Variants in PRKCA observed in about 807,000 individuals in gnomAD.
The protein encoded by PRKCA is protein kinase C alpha type.
PRKCA carries 27 observed loss-of-function variants against 87.0 expected under a neutral mutation model. The ratio of observed to expected loss-of-function variants is 0.31; its 90% CI spans 0.23 to 0.43. The LOEUF is 0.43. Among genes scored for constraint, PRKCA ranks in the 20% least tolerant of loss-of-function variants. The probability of loss-of-function intolerance (pLI) is 1.00; values close to 1 mark genes in which losing one functional copy is unlikely to be tolerated. For synonymous variants in PRKCA, 329 were observed against 311.1 expected, an observed-to-expected ratio of 1.06 and a Z score of -0.61; for missense variants, 518 against 852.3, an observed-to-expected ratio of 0.61 and a Z score of 4.88.
At chr17:66,686,523 T>G (rs559247031) in intron 5 of PRKCA, among the ~76,000 whole-genome samples, 1 of 152,338 alleles carries the variant, frequency 6.6e-6, no homozygotes, top group East Asian at 1.9e-4. Flanking sequence ...AAACGAATAC[T>G]TGAGCCACAT....
chr17:66,774,612 C>T (rs1384908935), intron 14 of PRKCA: 4 of 986,146 alleles, frequency 4.1e-6, no homozygotes, highest in East Asian at 2.2e-4. Context: ...CAGAGTGAGA[C>T]GGTCTCAAAA....
intron 5 of PRKCA, among the ~76,000 whole-genome samples, chr17:66,680,236 G>T (rs1972452393): frequency 6.6e-6 from 1 of 152,120 alleles, no homozygotes; most frequent in South Asian, 2.1e-4. Context: ...TTGTTTGTTT[G>T]TTTTTTCTGC....
intron 2 of PRKCA, among the ~76,000 whole-genome samples, chr17:66,393,256 CTT>C (rs1405257583): frequency 1.3e-5 from 2 of 152,112 alleles, no homozygotes; most frequent in Non-Finnish European, 2.9e-5. Flanking sequence ...TAACAGGTGA[CTT>C]TACATTGGAG....
intron 3 of PRKCA, among the ~76,000 whole-genome samples, chr17:66,534,455 C>T (rs1296506359): frequency 6.6e-6 from 1 of 152,074 alleles, no homozygotes; most frequent in Non-Finnish European, 1.5e-5. Flanking sequence ...ATCACGAGGT[C>T]AAGAGATCAA....
chr17:66,659,490 A>C (rs1357535427), intron 5 of PRKCA, among the ~76,000 whole-genome samples: 1 of 152,174 alleles, frequency 6.6e-6, no homozygotes, highest in Non-Finnish European at 1.5e-5. Context: ...CGGAAGCAGA[A>C]GATCCCTTGA....
intron 2 of PRKCA, among the ~76,000 whole-genome samples, chr17:66,386,120 G>T (rs1001621466): frequency 6.6e-6 from 1 of 152,128 alleles, no homozygotes; most frequent in Non-Finnish European, 1.5e-5. Flanking sequence ...AGATGTAACC[G>T]CTTTTGAAGT....
At chr17:66,767,687 G>A (rs771485822) in intron 13 of PRKCA, among the ~76,000 whole-genome samples, 2 of 152,208 alleles carry the variant, frequency 1.3e-5, no homozygotes, top group Non-Finnish European at 2.9e-5. Flanking sequence ...TTGCAACTGA[G>A]CCATCTGGAA....
At position 66,774,105 on chromosome 17, in the gene PRKCA, G is replaced by A. The variant is rs375814133; in HGVS notation, c.1605+38G>A. The stretch of plus-strand genomic sequence containing the variant: ...TACATTTTCATGTTTGTTTATTGCT[G>A]TGTTATGTGAATACTTCAGCTCTGG... On this transcript the variant is annotated intron_variant, in intron 14 of 16. Coordinates refer to ENST00000413366, the MANE Select transcript of PRKCA (RefSeq NM_002737.3). 2.1e-5 allele frequency: 34 copies of A among 1,613,840 alleles called. No individual in the cohort carries two copies. In the African/African-American group the frequency reaches 4.3e-4, roughly 20 times the overall value.
intron 2 of PRKCA, among the ~76,000 whole-genome samples, chr17:66,308,604 G>T (rs1386523773): frequency 6.6e-6 from 1 of 152,086 alleles, no homozygotes; most frequent in Non-Finnish European, 1.5e-5. Flanking sequence ...AGTTCACAGA[G>T]ACCTTTTCCA....
At chr17:66,717,180 G>A (rs1471243239) in intron 8 of PRKCA, among the ~76,000 whole-genome samples, 1 of 152,184 alleles carries the variant, frequency 6.6e-6, no homozygotes, top group Non-Finnish European at 1.5e-5. Context: ...GTGATACAGG[G>A]CAAGGGTCAT....
rs148107687 is a variant in PRKCA, at chr17:66,344,377, C to T, written c.205+38250C>T. 2.4e-3 allele frequency among the ~76,000 whole-genome samples: 367 copies of T among 152,206 alleles called. 1 individual carries two copies. Among genetic ancestry groups the T allele is most frequent in the Middle Eastern group, 6.8e-3 (2 of 294 alleles). ...TTCCAATAGAAACAGCTAGCTGTGC[C>T]GGGCGCTGTGGCTCACGCCTGTAAT... On this transcript the variant is annotated intron_variant, in intron 2 of 16. Transcript: ENST00000413366.
chr17:66,406,816 TG>T (rs2143718046), intron 2 of PRKCA, among the ~76,000 whole-genome samples: 1 of 152,016 alleles, frequency 6.6e-6, no homozygotes, highest in Admixed American at 6.6e-5. Context: ...GTCTGCCAGG[TG>T]AGAGAGGGAT....
intron 3 of PRKCA, among the ~76,000 whole-genome samples, chr17:66,551,710 A>AGGCT (rs1272927413): frequency 6.6e-6 from 1 of 152,218 alleles, no homozygotes; most frequent in Non-Finnish European, 1.5e-5. Flanking sequence ...GGGAACTCAG[A>AGGCT]GGCTGCCTAC....
chr17:66,584,977 G>A (rs1377749539), intron 3 of PRKCA, among the ~76,000 whole-genome samples: 1 of 152,020 alleles, frequency 6.6e-6, no homozygotes. Context: ...GAGTTTAATA[G>A]GCAAGAGAAA....
intron 3 of PRKCA, among the ~76,000 whole-genome samples, chr17:66,564,837 G>A (rs1023417306): frequency 1.4e-4 from 22 of 152,050 alleles, no homozygotes; most frequent in South Asian, 4.1e-4. Flanking sequence ...AAAATTAGCC[G>A]GACGCAGTGG....
chr17:66,657,313 C>A (rs1369765844), intron 5 of PRKCA, among the ~76,000 whole-genome samples: 1 of 152,070 alleles, frequency 6.6e-6, no homozygotes, highest in Non-Finnish European at 1.5e-5. Flanking sequence ...GGCACTTTTT[C>A]CTAGAATAAA....
chr17:66,449,940 T>C (rs1311750633), intron 2 of PRKCA, among the ~76,000 whole-genome samples: 1 of 152,198 alleles, frequency 6.6e-6, no homozygotes, highest in Non-Finnish European at 1.5e-5. Context: ...GTTGATTACT[T>C]TGAAGAAGTG....
intron 2 of PRKCA, among the ~76,000 whole-genome samples, chr17:66,413,622 C>T (rs1911947285): frequency 6.6e-6 from 1 of 152,168 alleles, no homozygotes; most frequent in African/African-American, 2.4e-5. Context: ...CATTACCCAA[C>T]AGATTCCAAA....
chr17:66,644,444 C>T (rs192356058), intron 4 of PRKCA, among the ~76,000 whole-genome samples: 53 of 152,208 alleles, frequency 3.5e-4, no homozygotes, highest in African/African-American at 1.2e-3. Context: ...CAAGGGTGAT[C>T]GAGCTGGAAC....
Sources: gnomAD v4.1 joint callset for allele counts (sites outside exome capture counted in the v4.1 genomes callset) on GRCh38, gnomAD v4.1.1 for gene constraint, MANE v1.5 for transcripts, NCBI Gene and HGNC (gene_info 2026-07-23, HGNC 2026-07-21) for gene names.